OGN: variants seen among roughly 807,000 people sequenced by gnomAD.
The protein encoded by OGN is mimecan.
OGN carries 19 observed loss-of-function variants against 30.8 expected under a neutral mutation model. The ratio of observed to expected loss-of-function variants is 0.62; its 90% CI spans 0.43 to 0.90. OGN has a LOEUF of 0.90. Ranked by LOEUF, OGN falls within the 40% of genes least tolerant of loss-of-function variation. The pLI, the probability that OGN is intolerant of heterozygous loss-of-function variation, is 0.00. For missense variants in OGN, 283 were observed against 349.7 expected (o/e 0.81, Z 1.52); for synonymous variants, 126 against 128.3 (o/e 0.98, Z 0.12).
chr9:92,398,969 G>T (rs1842999710), intron 3 of OGN, among the ~76,000 whole-genome samples: 1 of 151,778 alleles, frequency 6.6e-6, no homozygotes, highest in East Asian at 1.9e-4. Flanking sequence ...GCTGAAGCAG[G>T]AGAATTGCTT....
At chr9:92,385,875 A>C (rs1842399071) in intron 6 of OGN, 85 bp from the exon 7 acceptor site, 9 of 1,282,954 alleles carry the variant, frequency 7.0e-6, no homozygotes, top group Non-Finnish European at 1.0e-5. Flanking sequence ...AACCTAAGTC[A>C]GAGGTCTGAG....
chr9:92,390,617 G>A (rs1380965643), intron 4 of OGN, among the ~76,000 whole-genome samples: 1 of 151,610 alleles, frequency 6.6e-6, no homozygotes, highest in East Asian at 1.9e-4. Context: ...TGTGCATCAC[G>A]TATATCTGGG....
intron 3 of OGN, among the ~76,000 whole-genome samples, chr9:92,398,017 T>C (rs1215001217): frequency 6.6e-6 from 1 of 152,192 alleles, no homozygotes; most frequent in East Asian, 1.9e-4. Flanking sequence ...AATGTTTCTC[T>C]GACAGTGCGG....
chr9:92,388,548 A>G, intron 5 of OGN, among the ~76,000 whole-genome samples: 1 of 137,506 alleles, frequency 7.3e-6, no homozygotes, highest in East Asian at 2.1e-4. Flanking sequence ...ACTTTAAAAC[A>G]AAAAAAAAAA....
intron 1 of OGN, 106 bp from the exon 2 acceptor site, chr9:92,403,588 A>G: frequency 8.1e-7 from 1 of 1,228,582 alleles, no homozygotes; most frequent in South Asian, 4.1e-5. Flanking sequence ...ACCCTTAGTG[A>G]TCTTTAATTA....
At chr9:92,392,506 G>A (rs900120644) in intron 4 of OGN, among the ~76,000 whole-genome samples, 17 of 151,808 alleles carry the variant, frequency 1.1e-4, no homozygotes, top group Non-Finnish European at 2.4e-4. Context: ...CCTCAGCTAC[G>A]TGAGAGGCTG....
chr9:92,403,448 G>A lies in OGN; in HGVS notation c.-41C>T, dbSNP rs750671890. ...GGTGACTGGAAGTTAATAAACTAGT[G>A]GCCTGCTGACTGTGGGACAAAACTC... On this transcript the variant is annotated 5_prime_UTR_variant, in exon 2 of 7. Coordinates refer to ENST00000375561, the MANE Select transcript of OGN (RefSeq NM_014057.5). The A allele has an allele frequency of 1.3e-6, 2 of 1,569,456 alleles. No homozygotes were observed. Among genetic ancestry groups the A allele is most frequent in the Non-Finnish European group, 8.6e-7 (1 of 1,160,318 alleles).
intron 3 of OGN, among the ~76,000 whole-genome samples, chr9:92,399,637 AT>A (rs1843027884): frequency 6.6e-6 from 1 of 152,208 alleles, no homozygotes; most frequent in South Asian, 2.1e-4. Context: ...TACTTGTACG[AT>A]TTCATTTTAT....
At chr9:92,392,957 T>C (rs1842746670) in intron 4 of OGN, 129 bp downstream of exon 4, 1 of 650,766 alleles carries the variant, frequency 1.5e-6, no homozygotes, top group African/African-American at 1.8e-5. Context: ...TTGTGAAACA[T>C]GTTAGATATT....
chr9:92,383,632 A>G lies in OGN; in HGVS notation c.*1988T>C, dbSNP rs1231615119. Among the ~76,000 whole-genome samples, 2 of 151,994 alleles carry G rather than the reference A, an allele frequency of 1.3e-5. No individual in the cohort carries two copies. The highest frequency in any genetic ancestry group is 6.5e-5 in the Admixed American group (1 of 15,270). Reference sequence around the variant, plus strand: ...CTTGGTGGTATAATTTGTATTGTTTATTTTGTTTTATTTGTGATTTAAGGT... The same window carrying G: ...CTTGGTGGTATAATTTGTATTGTTTGTTTTGTTTTATTTGTGATTTAAGGT... On this transcript the variant is annotated 3_prime_UTR_variant, in exon 7 of 7. Coordinates refer to ENST00000375561, the MANE Select transcript of OGN (RefSeq NM_014057.5).
chr9:92,403,455 T>A lies in OGN; in HGVS notation c.-48A>T, dbSNP rs936465842. 6.4e-7 allele frequency: 1 copy of A among 1,557,800 alleles called. No homozygotes were observed. Among genetic ancestry groups the A allele is most frequent in the Non-Finnish European group, 8.7e-7 (1 of 1,155,584 alleles). On this transcript the variant is annotated 5_prime_UTR_variant, in exon 2 of 7. Transcript: ENST00000375561. The stretch of plus-strand genomic sequence containing the variant: ...GGAAGTTAATAAACTAGTGGCCTGC[T>A]GACTGTGGGACAAAACTCTCTTTTT...
intron 3 of OGN, among the ~76,000 whole-genome samples, chr9:92,394,992 A>G (rs1842837029): frequency 6.6e-6 from 1 of 152,146 alleles, no homozygotes; most frequent in African/African-American, 2.4e-5. Flanking sequence ...TAATAGTCAA[A>G]TTGTCACAGA....
At chr9:92,393,059 C>T (rs1340256954) in intron 4 of OGN, 27 bp downstream of exon 4, 1 of 1,591,412 alleles carries the variant, frequency 6.3e-7, no homozygotes, top group South Asian at 1.1e-5. Context: ...CGAGTTAATA[C>T]TAATATCATA....
intron 4 of OGN, among the ~76,000 whole-genome samples, chr9:92,390,505 AACAAAG>A (rs1284282304): frequency 2.0e-5 from 3 of 152,292 alleles, no homozygotes; most frequent in African/African-American, 4.8e-5. Context: ...GCTTAACAAC[AACAAAG>A]ACAAAGATGT....
In OGN at chr9:92,403,471, C is replaced by T; in HGVS notation, c.-64G>A. ...GTGGCCTGCTGACTGTGGGACAAAA[C>T]TCTCTTTTTCCCTGGAAATAAAAAT... On this transcript the variant is annotated 5_prime_UTR_variant, in exon 2 of 7. Transcript: ENST00000375561. The T allele has an allele frequency of 6.6e-7, 1 of 1,520,242 alleles. No individual in the cohort carries two copies. Among genetic ancestry groups the T allele is most frequent in the African/African-American group, 1.4e-5 (1 of 71,472 alleles). 94.2% of individuals were successfully genotyped at this position (1,520,242 alleles called of 1,614,324 possible).
chr9:92,385,842 T>A, intron 6 of OGN, 52 bp from the exon 7 acceptor site: 2 of 1,579,422 alleles, frequency 1.3e-6, no homozygotes, highest in Non-Finnish European at 1.7e-6. Context: ...CAACCTTTCA[T>A]ATGCTATATA....
intron 5 of OGN, among the ~76,000 whole-genome samples, chr9:92,388,688 C>T (rs946609441): frequency 1.3e-5 from 2 of 151,494 alleles, no homozygotes; most frequent in Non-Finnish European, 2.9e-5. Context: ...AGAAATTAGC[C>T]GGGCGTGGTG....
intron 3 of OGN, among the ~76,000 whole-genome samples, chr9:92,396,379 C>CA (rs369199427): frequency 0.029 from 4,172 of 144,852 alleles, 76 homozygotes; most frequent in African/African-American, 0.043. Flanking sequence ...GTTAATTAAA[C>CA]AAAAAAAAAA....
chr9:92,389,413 C>A (rs1436659584), intron 5 of OGN, among the ~76,000 whole-genome samples: 1 of 152,128 alleles, frequency 6.6e-6, no homozygotes, highest in Non-Finnish European at 1.5e-5. Flanking sequence ...ATTTCACAGT[C>A]TAATATCTTT....
Sources: allele counts gnomAD v4.1 joint callset (sites outside exome capture counted in the v4.1 genomes callset), GRCh38; gene constraint gnomAD v4.1.1; transcripts MANE v1.5; gene names NCBI Gene and HGNC (gene_info 2026-07-23, HGNC 2026-07-21).